Variants in ATP1A4 observed in about 807,000 individuals in gnomAD.
The protein encoded by ATP1A4 is ATPase Na+/K+ transporting subunit alpha 4, also known as sodium/potassium-transporting ATPase subunit alpha-4.
Under a neutral mutation model 114.3 loss-of-function variants are expected in ATP1A4, and 90 were observed. The observed-to-expected ratio is 0.79, with a 90% CI of 0.66 to 0.94. The LOEUF (loss-of-function observed/expected upper bound fraction) is 0.94, where lower values mean the gene tolerates loss of function less well. Ranked by LOEUF, ATP1A4 falls within the 40% of genes least tolerant of loss-of-function variation. ATP1A4 has a pLI of 0.00. For missense variants in ATP1A4, 1,222 were observed against 1,313.6 expected (o/e 0.93, Z 1.08); for synonymous variants, 511 against 494.1 (o/e 1.03, Z -0.45).
chr1:160,172,263 G>A (rs1401617481), intron 12 of ATP1A4, among the ~76,000 whole-genome samples: 3 of 152,212 alleles, frequency 2.0e-5, no homozygotes, highest in African/African-American at 4.8e-5. Context: ...ATAGCAAAGT[G>A]CTAGAAGATG....
intron 10 of ATP1A4, among the ~76,000 whole-genome samples, chr1:160,168,221 G>A (rs1185424549): frequency 6.6e-6 from 1 of 152,100 alleles, no homozygotes; most frequent in African/African-American, 2.4e-5. Flanking sequence ...CAGAATTGGA[G>A]CTTTGCCAGG....
intron 7 of ATP1A4, among the ~76,000 whole-genome samples, chr1:160,165,966 G>A (rs550964189): frequency 5.3e-5 from 8 of 151,648 alleles, no homozygotes; most frequent in African/African-American, 1.2e-4. Context: ...TGATACCCTG[G>A]TAAAGAAATA....
rs1571020529 is a variant in ATP1A4 at position 160,166,595 on chromosome 1, T to C, written c.1115T>C (p.Val372Ala). The change falls in exon 8 of 22, where the codon GTG becomes GCG. Residue 372 changes from valine to alanine, a missense_variant. Transcript: ENST00000368081. ...KNCLVKNLEAVETLGSTSTIC... is the reference protein window; with the variant it reads ...KNCLVKNLEAAETLGSTSTIC... ...TGCCTGGTGAAGAACCTGGAGGCGG[T>C]GGAGACGCTGGGCTCCACGTCCACC... The C allele has an allele frequency of 6.2e-7, 1 of 1,614,124 alleles. No homozygotes were observed. Among genetic ancestry groups the C allele is most frequent in the Non-Finnish European group, 8.5e-7 (1 of 1,180,024 alleles).
At chr1:160,174,394 G>C in intron 14 of ATP1A4, 133 bp downstream of exon 14, 4 of 1,429,108 alleles carry the variant, frequency 2.8e-6, no homozygotes, top group Non-Finnish European at 3.8e-6. Context: ...AACCTCCATG[G>C]TGGCCTTCAG....
rs531354593 is a variant in ATP1A4, at chr1:160,167,069, A to C, written c.1348A>C (p.Ile450Leu). ...TAAGGCTAATCAGGAGATCCTGCCCATTGCTAAGGTGTCAGGCCCAAGGGG... is the reference window on the plus strand; with the variant it reads ...TAAGGCTAATCAGGAGATCCTGCCCCTTGCTAAGGTGTCAGGCCCAAGGGG... The part of the protein sequence containing the change: ...DFKANQEILP[I>L]AKRATTGDAS... Residue 450 changes from isoleucine to leucine, a missense_variant, in exon 9 of 22, where the codon ATT (isoleucine) becomes CTT (leucine). By Grantham distance (5) the Ile-to-Leu change is conservative (BLOSUM62 2). Transcript: ENST00000368081. 1.9e-6 allele frequency: 3 copies of C among 1,613,900 alleles called. No individual in the cohort carries two copies. In the Middle Eastern group the frequency reaches 5.0e-4, roughly 266 times the overall value.
rs760429620 is a variant in ATP1A4, at chr1:160,155,090, C to A, written c.253C>A (p.Pro85Thr). 2.5e-6 allele frequency: 4 copies of A among 1,614,006 alleles called. No homozygotes were observed. Among genetic ancestry groups the A allele is most frequent in the Non-Finnish European group, 3.4e-6 (4 of 1,179,950 alleles). Reference protein sequence around the residue: ...RAKEILTRGGPNTVTPPPTTP... With the variant: ...RAKEILTRGGTNTVTPPPTTP... ...AAAGGAAATCCTGACTCGAGGTGGA[C>A]CCAATACTGTTACCCCACCCCCCAC... The change falls in exon 3 of 22, where the codon CCC becomes ACC. Residue 85 changes from proline to threonine, a missense_variant. Physicochemically the swap from Pro to Thr is conservative, Grantham distance 38 (BLOSUM62 -1). Coordinates refer to ENST00000368081, the MANE Select transcript of ATP1A4 (RefSeq NM_144699.4).
chr1:160,183,861 T>C (rs1653790331), intron 20 of ATP1A4, among the ~76,000 whole-genome samples: 1 of 152,150 alleles, frequency 6.6e-6, no homozygotes, highest in Non-Finnish European at 1.5e-5. Context: ...TAATTTTGTA[T>C]CTGAGTTCAA....
Position 160,164,171 on chromosome 1 carries a change from T to C in ATP1A4, c.794T>C (p.Ile265Thr), listed in dbSNP as rs368564661. ...TCATCCACAGGAACCGCCCGGGGTA[T>C]TGTGATTGCTACGGGAGACTCCACA... ...TNCVEGTARG[I>T]VIATGDSTVM... is the part of the protein sequence containing the mutation. The change falls in exon 7 of 22, where the codon ATT becomes ACT. Residue 265 changes from isoleucine (I) to threonine (T), a missense_variant. Physicochemically the swap from Ile to Thr is moderately conservative, Grantham distance 89. Coordinates refer to ENST00000368081, the MANE Select transcript of ATP1A4 (RefSeq NM_144699.4). The C allele has an allele frequency of 1.2e-6, 2 of 1,614,150 alleles. No individual in the cohort carries two copies. Among genetic ancestry groups the C allele is most frequent in the Non-Finnish European group, 1.7e-6 (2 of 1,179,982 alleles).
chr1:160,169,532 T>C (rs1161986579), intron 10 of ATP1A4: 3 of 152,238 alleles, frequency 2.0e-5, no homozygotes, highest in African/African-American at 7.2e-5. Context: ...ATATTTTGAA[T>C]GTAACTGAAC....
At position 160,159,068 on chromosome 1, in the gene ATP1A4, C is replaced by G. The variant is rs113237098; in HGVS notation, c.592C>G (p.Leu198Val). Residue 198 changes from leucine (L) to valine (V), a missense_variant, in exon 5 of 22, where the codon CTG (leucine) becomes GTG (valine). Physicochemically the swap from Leu to Val is conservative, Grantham distance 32. Coordinates refer to ENST00000368081, the MANE Select transcript of ATP1A4 (RefSeq NM_144699.4). ...TGTACAAGAGGTGGTGTTGGGAGAC[C>G]TGGTGGAAATCAAGGGTGGAGACCG... ...INVQEVVLGD[L>V]VEIKGGDRVP... 1.9e-6 allele frequency: 3 copies of G among 1,613,998 alleles called. No homozygotes were observed. Among genetic ancestry groups the G allele is most frequent in the Non-Finnish European group, 2.5e-6 (3 of 1,179,950 alleles).
rs531082261 is a variant in ATP1A4 at position 160,165,757 on chromosome 1, A to G, written c.1048-771A>G. ...GACTCCGTCTCGAGAAAAAAAAAGA[A>G]CTATTGGTCCAACACCCCCTCCACA... On this transcript the variant is annotated intron_variant, in intron 7 of 21. Coordinates refer to ENST00000368081, the MANE Select transcript of ATP1A4 (RefSeq NM_144699.4). Among the ~76,000 whole-genome samples, 4 of 152,266 alleles carry G rather than the reference A, an allele frequency of 2.6e-5. No homozygotes were observed. In the South Asian group the frequency reaches 8.3e-4, roughly 32 times the overall value.
chr1:160,155,218 A>G lies in ATP1A4; in HGVS notation c.381A>G (p.Ile127Met). 1.2e-6 allele frequency: 2 copies of G among 1,613,772 alleles called. No homozygotes were observed. The highest frequency in any genetic ancestry group is 1.7e-6 in the Non-Finnish European group (2 of 1,179,942). The change falls in exon 3 of 22, where the codon ATA (isoleucine) becomes ATG (methionine). Residue 127 changes from isoleucine (I) to methionine (M), a missense_variant. Physicochemically the swap from Ile to Met is conservative, Grantham distance 10 (BLOSUM62 1). Coordinates refer to ENST00000368081, the MANE Select transcript of ATP1A4 (RefSeq NM_144699.4). ...ILCFVAYSIQIYFNEEPTKDN... is the reference protein window; with the variant it reads ...ILCFVAYSIQMYFNEEPTKDN... Reference sequence around the variant, plus strand: ...GCTTTGTGGCCTACAGCATCCAGATATATTTCAATGAGGAGCCTACCAAAG... The same window carrying G: ...GCTTTGTGGCCTACAGCATCCAGATGTATTTCAATGAGGAGCCTACCAAAG...
chr1:160,169,630 A>G (rs781001417), intron 10 of ATP1A4: 3 of 152,020 alleles, frequency 2.0e-5, no homozygotes, highest in Non-Finnish European at 1.5e-5. Flanking sequence ...CCTCCTCTGC[A>G]CTCCCGCTGT....
chr1:160,163,674 G>A (rs1245901594), intron 6 of ATP1A4, among the ~76,000 whole-genome samples: 1 of 152,082 alleles, frequency 6.6e-6, no homozygotes, highest in East Asian at 1.9e-4. Context: ...TCCAAACCCA[G>A]TCCTTTGAGG....
chr1:160,171,737 T>C lies in ATP1A4; in HGVS notation c.1834T>C (p.Cys612Arg). ...RAAVPDAVSK[C>R]RSAGIKVIMV... Reference sequence around the variant, plus strand: ...TGCAGTGCCTGATGCTGTGAGCAAGTGTCGCAGTGCAGGAATTAAGGTAAA... The same window carrying C: ...TGCAGTGCCTGATGCTGTGAGCAAGCGTCGCAGTGCAGGAATTAAGGTAAA... The change falls in exon 12 of 22, where the codon TGT becomes CGT. Residue 612 changes from cysteine (C) to arginine (R), a missense_variant. Coordinates refer to ENST00000368081, the MANE Select transcript of ATP1A4 (RefSeq NM_144699.4). 6.2e-7 allele frequency: 1 copy of C among 1,614,158 alleles called. No individual in the cohort carries two copies. Among genetic ancestry groups the C allele is most frequent in the Non-Finnish European group, 8.5e-7 (1 of 1,180,034 alleles).
rs1653247460 is a variant in ATP1A4 at position 160,171,347 on chromosome 1, C to G, written c.1588C>G (p.Leu530Val). 6.2e-7 allele frequency: 1 copy of G among 1,614,118 alleles called. No homozygotes were observed. The highest frequency in any genetic ancestry group is 1.3e-5 in the African/African-American group (1 of 75,020). ...RILEFCSTFLLNGQEYSMNDE... is the reference protein window; with the variant it reads ...RILEFCSTFLVNGQEYSMNDE... ...CTTGGAGTTTTGTTCTACCTTTCTT[C>G]TGAATGGGCAGGAGTACTCAATGAA... Residue 530 changes from leucine to valine, a missense_variant, in exon 11 of 22, where the codon CTG becomes GTG. Physicochemically the swap from Leu to Val is conservative, Grantham distance 32. Transcript: ENST00000368081.
intron 10 of ATP1A4, 24 bp from the exon 11 acceptor site, chr1:160,171,227 C>T (rs1179255195): frequency 5.0e-6 from 8 of 1,597,564 alleles, no homozygotes; most frequent in African/African-American, 1.3e-5. Context: ...CCTGTCCCAT[C>T]AGTGCTCCCT....
chr1:160,154,357 A>G (rs1183226556), intron 2 of ATP1A4, among the ~76,000 whole-genome samples: 2 of 151,920 alleles, frequency 1.3e-5, no homozygotes, highest in Non-Finnish European at 2.9e-5. Flanking sequence ...TAGGTGACAG[A>G]GCAAGACTCT....
At chr1:160,163,541 C>T (rs2101632870) in intron 6 of ATP1A4, among the ~76,000 whole-genome samples, 1 of 152,240 alleles carries the variant, frequency 6.6e-6, no homozygotes, top group East Asian at 1.9e-4. Context: ...TACAGATGAG[C>T]AGTCATATGG....
Sources: allele counts gnomAD v4.1 joint callset (sites outside exome capture counted in the v4.1 genomes callset), GRCh38; gene constraint gnomAD v4.1.1; transcripts MANE v1.5; gene names NCBI Gene and HGNC (gene_info 2026-07-23, HGNC 2026-07-21).